The following PRUNE2 variants were observed in gnomAD, a reference collection of about 807,000 sequenced individuals.
The protein encoded by PRUNE2 is prune homolog 2 with BCH domain, also known as protein prune homolog 2.
A neutral mutation model predicts 252.0 loss-of-function variants in PRUNE2; 164 were observed. That is an observed-to-expected ratio of 0.65 (90% CI 0.57 to 0.74). PRUNE2 has a LOEUF of 0.74. Ranked by LOEUF, PRUNE2 falls within the 30% of genes least tolerant of loss-of-function variation. The probability of loss-of-function intolerance (pLI) is 0.00; values close to 1 mark genes in which losing one functional copy is unlikely to be tolerated. For synonymous variants in PRUNE2, 1,292 were observed against 1,350.2 expected (o/e 0.96, Z 0.94); for missense variants, 3,495 against 3,711.0 (o/e 0.94, Z 1.51).
intron 17 of PRUNE2, 128 bp from the exon 18 acceptor site, chr9:76,619,515 C>T (rs748311553): frequency 1.5e-6 from 1 of 667,950 alleles, no homozygotes; most frequent in Non-Finnish European, 2.7e-6. Flanking sequence ...CAAATCCATA[C>T]CTGAACAGAT....
At chr9:76,766,875 A>G (rs1451119167) in intron 6 of PRUNE2, among the ~76,000 whole-genome samples, 1 of 152,068 alleles carries the variant, frequency 6.6e-6, no homozygotes, top group Non-Finnish European at 1.5e-5. Context: ...GTCACTGTCA[A>G]CTCATACACA....
At chr9:76,670,394 G>A (rs1414134604) in intron 9 of PRUNE2, among the ~76,000 whole-genome samples, 3 of 152,060 alleles carry the variant, frequency 2.0e-5, no homozygotes, top group African/African-American at 7.2e-5. Context: ...CTGGCTCGGA[G>A]GGTCCTACAC....
chr9:76,860,700 G>C (rs918405706), intron 1 of PRUNE2, among the ~76,000 whole-genome samples: 1 of 152,168 alleles, frequency 6.6e-6, no homozygotes, highest in Non-Finnish European at 1.5e-5. Context: ...ACCCACAGAA[G>C]TTGGAGATTC....
intron 6 of PRUNE2, among the ~76,000 whole-genome samples, chr9:76,722,459 C>T (rs4745575): frequency 0.69 from 104,664 of 151,958 alleles, 36,409 homozygotes; most frequent in East Asian, 0.91. Flanking sequence ...TTAGACATCA[C>T]ATTTTGAAAA....
chr9:76,657,173 G>C (rs975091930), intron 9 of PRUNE2, among the ~76,000 whole-genome samples: 2 of 152,296 alleles, frequency 1.3e-5, no homozygotes, highest in Middle Eastern at 3.4e-3. Flanking sequence ...TGTTCTCCTT[G>C]ACATCAAACT....
At chr9:76,837,588 T>C (rs888831087) in intron 4 of PRUNE2, among the ~76,000 whole-genome samples, 18 of 151,694 alleles carry the variant, frequency 1.2e-4, no homozygotes, top group African/African-American at 4.4e-4. Flanking sequence ...AGCAGGGGTA[T>C]TTCTATGGCA....
intron 1 of PRUNE2, among the ~76,000 whole-genome samples, chr9:76,896,741 T>C (rs894656186): frequency 6.6e-6 from 1 of 152,088 alleles, no homozygotes; most frequent in African/African-American, 2.4e-5. Context: ...GTTCTAACCC[T>C]GGATCTTCTC....
chr9:76,692,154 C>T (rs1738123160), intron 9 of PRUNE2: 1 of 717,380 alleles, frequency 1.4e-6, no homozygotes, highest in Non-Finnish European at 2.6e-6. Flanking sequence ...CTCTTCTGAG[C>T]AGTTAACTGG....
chr9:76,699,467 T>C (rs565664620), intron 9 of PRUNE2, among the ~76,000 whole-genome samples: 3 of 152,140 alleles, frequency 2.0e-5, no homozygotes, highest in African/African-American at 7.2e-5. Context: ...GGGGCCTTCA[T>C]CCAATCAGAT....
chr9:76,836,241 C>T (rs1423904138), intron 4 of PRUNE2, among the ~76,000 whole-genome samples: 3 of 151,164 alleles, frequency 2.0e-5, no homozygotes, highest in African/African-American at 4.9e-5. Flanking sequence ...AGGACTCTGG[C>T]GGGTCTGTAA....
At chr9:76,876,894 C>T (rs746936429) in intron 1 of PRUNE2, among the ~76,000 whole-genome samples, 2 of 152,142 alleles carry the variant, frequency 1.3e-5, no homozygotes, top group Non-Finnish European at 2.9e-5. Flanking sequence ...GAATATAATA[C>T]AGGTTGACAC....
chr9:76,783,046 C>T (rs2054590201), intron 6 of PRUNE2, among the ~76,000 whole-genome samples: 1 of 152,236 alleles, frequency 6.6e-6, no homozygotes, highest in Admixed American at 6.5e-5. Flanking sequence ...AAACAGTCCA[C>T]ATAGTAGGTA....
At chr9:76,764,050 G>A (rs1353370857) in intron 6 of PRUNE2, among the ~76,000 whole-genome samples, 1 of 152,182 alleles carries the variant, frequency 6.6e-6, no homozygotes, top group Non-Finnish European at 1.5e-5. Flanking sequence ...TGTTGGGCAA[G>A]GGTAGGACCA....
intron 6 of PRUNE2, among the ~76,000 whole-genome samples, chr9:76,795,621 T>C (rs2056024136): frequency 6.6e-6 from 1 of 151,964 alleles, no homozygotes; most frequent in Admixed American, 6.6e-5. Context: ...TACACGAGCC[T>C]AAAAGGGGAA....
chr9:76,614,373 G>T lies in PRUNE2; in HGVS notation c.*197C>A. Reference sequence around the variant, plus strand: ...CTAAAATCTTTGAGGCACATAATTGGCAAAATAGGAAAGTACACACAATTT... The same window carrying T: ...CTAAAATCTTTGAGGCACATAATTGTCAAAATAGGAAAGTACACACAATTT... On this transcript the variant is annotated 3_prime_UTR_variant, in exon 19 of 19. Coordinates refer to ENST00000376718, the MANE Select transcript of PRUNE2 (RefSeq NM_015225.3). 1 of 599,156 alleles carries T rather than the reference G, an allele frequency of 1.7e-6. No individual in the cohort carries two copies. The highest frequency in any genetic ancestry group is 2.1e-5 in the South Asian group (1 of 47,326). The allele number at this position is 599,156 out of a possible 1,614,324, so 37.1% of individuals were successfully genotyped here.
chr9:76,878,841 CAA>C (rs2061602385), intron 1 of PRUNE2, among the ~76,000 whole-genome samples: 1 of 152,182 alleles, frequency 6.6e-6, no homozygotes, highest in Non-Finnish European at 1.5e-5. Context: ...CATAATTATA[CAA>C]AGACTTCCCT....
chr9:76,833,581 C>T lies in PRUNE2; in HGVS notation c.509-6849G>A, dbSNP rs1458803306. Among the ~76,000 whole-genome samples the T allele has an allele frequency of 4.0e-5, 6 of 151,740 alleles. No homozygotes were observed. The East Asian group carries it at 5.9e-4, about 15-fold the overall frequency. On this transcript the variant is annotated intron_variant, in intron 4 of 18. Transcript: ENST00000376718. The stretch of plus-strand genomic sequence containing the variant: ...GAGATCGAGACCATCCTGGCTAACA[C>T]GGTGAAACCCCGTCTCTACTTAAAA...
At chr9:76,802,741 G>A (rs2056647528) in intron 6 of PRUNE2, among the ~76,000 whole-genome samples, 1 of 151,102 alleles carries the variant, frequency 6.6e-6, no homozygotes, top group Non-Finnish European at 1.5e-5. Flanking sequence ...AAAGCTTCAT[G>A]CACTTTAAAT....
intron 6 of PRUNE2, chr9:76,784,515 T>C (rs1214840871): frequency 6.6e-6 from 1 of 152,222 alleles, no homozygotes. Flanking sequence ...AACAAAGCTG[T>C]TGTAATATCT....
Sources: allele counts gnomAD v4.1 joint callset (sites outside exome capture counted in the v4.1 genomes callset), GRCh38; gene constraint gnomAD v4.1.1; transcripts MANE v1.5; gene names NCBI Gene and HGNC (gene_info 2026-07-23, HGNC 2026-07-21).